TANGO6: variants seen among roughly 807,000 people sequenced by gnomAD.
TANGO6 encodes the protein transport and golgi organization 6 homolog, also known as transport and Golgi organization protein 6 homolog.
Under a neutral mutation model 114.2 loss-of-function variants are expected in TANGO6, and 90 were observed. That is an observed-to-expected ratio of 0.79 (90% CI 0.66 to 0.94). The LOEUF is 0.94. Ranked by LOEUF, TANGO6 falls within the 40% of genes least tolerant of loss-of-function variation. The pLI, the probability that TANGO6 is intolerant of heterozygous loss-of-function variation, is 0.00. For missense variants in TANGO6, 1,274 were observed against 1,315.3 expected (o/e 0.97, Z 0.49); for synonymous variants, 477 against 509.8 (o/e 0.94, Z 0.87).
chr16:68,966,702 C>G (rs1258595358), intron 14 of TANGO6, among the ~76,000 whole-genome samples: 1 of 151,430 alleles, frequency 6.6e-6, no homozygotes, highest in East Asian at 1.9e-4. Flanking sequence ...TTACTGGGCT[C>G]AAGTGACCAA....
At chr16:68,868,490 C>CT (rs1596996308) in intron 4 of TANGO6, among the ~76,000 whole-genome samples, 1 of 121,934 alleles carries the variant, frequency 8.2e-6, no homozygotes, top group East Asian at 2.3e-4. Flanking sequence ...CTCTATATTT[C>CT]TATTTTTTTT....
intron 15 of TANGO6, among the ~76,000 whole-genome samples, chr16:68,979,704 A>G (rs573190982): frequency 6.6e-5 from 10 of 152,198 alleles, no homozygotes; most frequent in South Asian, 4.1e-4. Context: ...TTTTATTTCC[A>G]TTTATTCAAT....
chr16:68,876,618 C>T (rs1474350932), intron 5 of TANGO6, among the ~76,000 whole-genome samples: 1 of 151,556 alleles, frequency 6.6e-6, no homozygotes, highest in Non-Finnish European at 1.5e-5. Flanking sequence ...GTCAGGAGTT[C>T]GAGACCAGCC....
At chr16:68,963,735 A>C (rs182945003) in intron 14 of TANGO6, among the ~76,000 whole-genome samples, 116 of 152,318 alleles carry the variant, frequency 7.6e-4, no homozygotes, top group Non-Finnish European at 1.2e-3. Flanking sequence ...TTCAGTGCTG[A>C]GCCTAGTGCA....
In TANGO6 at chr16:68,880,557, A is replaced by T. The variant is rs746499817; in HGVS notation, c.1304A>T (p.Glu435Val). The change falls in exon 7 of 18, where the codon GAG becomes GTG. Residue 435 changes from glutamate (E) to valine (V), a missense_variant. By Grantham distance (121) the Glu-to-Val change is moderately radical. This residue lies in a region of TANGO6 where 908 missense variants were observed against 910.2 expected (regional missense o/e 1.00). Transcript: ENST00000261778. ...HRCLNTAELS[E>V]SDMVPGTILV... ...TGTGTTTATTTTCTAGAGCTTTCAG[A>T]GAGTGACATGGTACCAGGAACTATT... The T allele has an allele frequency of 6.2e-7, 1 of 1,612,150 alleles. No individual in the cohort carries two copies. Among genetic ancestry groups the T allele is most frequent in the Non-Finnish European group, 8.5e-7 (1 of 1,178,966 alleles).
At chr16:69,080,251 A>C (rs533634046) in intron 17 of TANGO6, among the ~76,000 whole-genome samples, 1 of 152,154 alleles carries the variant, frequency 6.6e-6, no homozygotes, top group Non-Finnish European at 1.5e-5. Context: ...TATGGTACAC[A>C]ACAGAGCGTA....
chr16:68,860,218 G>C lies in TANGO6; in HGVS notation c.429G>C (p.Lys143Asn), dbSNP rs768196587. 6.2e-7 allele frequency: 1 copy of C among 1,614,004 alleles called. No homozygotes were observed. Among genetic ancestry groups the C allele is most frequent in the South Asian group, 1.1e-5 (1 of 91,082 alleles). The change falls in exon 2 of 18, where the codon AAG (lysine) becomes AAC (asparagine). Residue 143 changes from lysine to asparagine, a missense_variant. By Grantham distance (94) the Lys-to-Asn change is moderately conservative. Around this residue, in one of 5 missense-constraint regions of TANGO6, gnomAD observed 908 missense variants for 910.2 expected, o/e 1.00. Transcript: ENST00000261778. ...ATGCACTTAGTATCTCACAACAGAA[G>C]ACTGTCCAGTTCGTTTTGCAGTTTG... ...SPDALSISQQKTVQFVLQFVV... is the reference protein window; with the variant it reads ...SPDALSISQQNTVQFVLQFVV...
At chr16:68,844,967 C>CTTTTT (rs200473627) in intron 1 of TANGO6, among the ~76,000 whole-genome samples, 2 of 131,214 alleles carry the variant, frequency 1.5e-5, no homozygotes, top group African/African-American at 5.8e-5. Flanking sequence ...AACGGCAACT[C>CTTTTT]TTTTTTTTTT....
At chr16:68,939,072 CAAAAAAA>C (rs752047565) in intron 14 of TANGO6, among the ~76,000 whole-genome samples, 1 of 57,042 alleles carries the variant, frequency 1.8e-5, no homozygotes, top group Non-Finnish European at 3.5e-5. Context: ...ACCCTGTCCC[CAAAAAAA>C]AAAAAAAAAA....
chr16:68,989,210 A>C (rs1264636848), intron 15 of TANGO6, among the ~76,000 whole-genome samples: 1 of 151,980 alleles, frequency 6.6e-6, no homozygotes, highest in Non-Finnish European at 1.5e-5. Flanking sequence ...ACTTCTGTTT[A>C]ATTTTTAAAT....
At chr16:68,881,957 G>A (rs1962467394) in intron 7 of TANGO6, among the ~76,000 whole-genome samples, 1 of 151,906 alleles carries the variant, frequency 6.6e-6, no homozygotes, top group South Asian at 2.1e-4. Flanking sequence ...GACCAACCTG[G>A]TGAATATAGT....
At chr16:69,017,097 A>G (rs998309026) in intron 15 of TANGO6, among the ~76,000 whole-genome samples, 2 of 152,252 alleles carry the variant, frequency 1.3e-5, no homozygotes, top group Admixed American at 6.5e-5. Context: ...AAAAAAAATG[A>G]ACACACTTTA....
intron 17 of TANGO6, among the ~76,000 whole-genome samples, chr16:69,081,104 CT>C (rs1960458414): frequency 6.6e-6 from 1 of 152,126 alleles, no homozygotes; most frequent in Non-Finnish European, 1.5e-5. Flanking sequence ...CGCCACTGCA[CT>C]CCAGCCTGAG....
intron 15 of TANGO6, among the ~76,000 whole-genome samples, chr16:68,983,261 C>G (rs1963858151): frequency 6.6e-6 from 1 of 152,044 alleles, no homozygotes; most frequent in Admixed American, 6.5e-5. Flanking sequence ...CACCCAAATA[C>G]TCTCTGAATT....
intron 16 of TANGO6, among the ~76,000 whole-genome samples, chr16:69,032,060 G>A (rs948461990): frequency 2.0e-5 from 3 of 151,956 alleles, no homozygotes; most frequent in Non-Finnish European, 4.4e-5. Context: ...GAGTGCAGAG[G>A]CCCTGCGACA....
rs1277176243 is a variant in TANGO6 at position 68,902,309 on chromosome 16, T to C, written c.1491-19T>C. 6.2e-7 allele frequency: 1 copy of C among 1,602,430 alleles called. No homozygotes were observed. The highest frequency in any genetic ancestry group is 1.3e-5 in the African/African-American group (1 of 74,520). On this transcript the variant is annotated intron_variant, in intron 8 of 17. Coordinates refer to ENST00000261778, the MANE Select transcript of TANGO6 (RefSeq NM_024562.2). ...TGGAGTAAGATGACAAGCTCATTCA[T>C]AACTGCTTTTTCTGCCAGGTCACTT... is the stretch of plus-strand genomic sequence containing the variant.
intron 15 of TANGO6, among the ~76,000 whole-genome samples, chr16:68,995,122 C>T (rs1963980354): frequency 6.6e-6 from 1 of 152,092 alleles, no homozygotes; most frequent in Non-Finnish European, 1.5e-5. Flanking sequence ...CAATCTAAGC[C>T]TGTCAAAGTC....
At chr16:69,000,661 A>G (rs1355195240) in intron 15 of TANGO6, among the ~76,000 whole-genome samples, 2 of 151,702 alleles carry the variant, frequency 1.3e-5, no homozygotes, top group African/African-American at 4.8e-5. Flanking sequence ...GCATAATCTC[A>G]GCTCACTGCA....
chr16:68,951,342 G>C (rs148634536), intron 14 of TANGO6, among the ~76,000 whole-genome samples: 15 of 151,284 alleles, frequency 9.9e-5, no homozygotes, highest in Non-Finnish European at 1.3e-4. Context: ...AGGGTGGGGG[G>C]GTTGGGCAAA....
Sources: allele counts gnomAD v4.1 joint callset (sites outside exome capture counted in the v4.1 genomes callset), GRCh38; gene constraint gnomAD v4.1.1; regional missense constraint gnomAD v4.1.1; transcripts MANE v1.5; gene names NCBI Gene and HGNC (gene_info 2026-07-23, HGNC 2026-07-21).